GAP43: variants seen among roughly 807,000 people sequenced by gnomAD.
The protein encoded by GAP43 is growth associated protein 43, also known as neuromodulin.
GAP43 carries 6 observed loss-of-function variants against 18.6 expected under a neutral mutation model. The observed-to-expected ratio is 0.32, with a 90% CI of 0.18 to 0.64. The LOEUF (loss-of-function observed/expected upper bound fraction) is 0.64. Ranked by LOEUF, GAP43 falls within the 30% of genes least tolerant of loss-of-function variation. GAP43 has a pLI of 0.78. For missense variants in GAP43, 292 were observed against 295.5 expected (o/e 0.99, Z 0.09); for synonymous variants, 115 against 111.4 (o/e 1.03, Z -0.20).
intron 2 of GAP43, among the ~76,000 whole-genome samples, chr3:115,682,908 A>G (rs1708974307): frequency 6.6e-6 from 1 of 152,144 alleles, no homozygotes; most frequent in Non-Finnish European, 1.5e-5. Flanking sequence ...CACATGACTC[A>G]TATTGTTGAG....
intron 1 of GAP43, chr3:115,661,248 A>G (rs76341867): frequency 0.053 from 8,100 of 152,328 alleles, 272 homozygotes; most frequent in African/African-American, 0.097. Context: ...ACTGGAACCC[A>G]GCAAGTTTTC....
At chr3:115,666,208 T>C (rs898194912) in intron 1 of GAP43, among the ~76,000 whole-genome samples, 1 of 152,088 alleles carries the variant, frequency 6.6e-6, no homozygotes, top group Non-Finnish European at 1.5e-5. Context: ...GGGACTGTGG[T>C]TTAACTTTGA....
intron 2 of GAP43, among the ~76,000 whole-genome samples, chr3:115,698,212 A>AATATAT (rs1709240640): frequency 1.2e-4 from 2 of 16,588 alleles, no homozygotes; most frequent in African/African-American, 3.4e-4. Context: ...ATATTATATA[A>AATATAT]AATATATAAT....
chr3:115,710,030 A>G (rs1559807453), intron 2 of GAP43, among the ~76,000 whole-genome samples: 2 of 152,140 alleles, frequency 1.3e-5, no homozygotes, highest in Non-Finnish European at 2.9e-5. Context: ...TCCAACAGAT[A>G]GTTTCTCTCA....
chr3:115,715,126 G>T (rs1709488170), intron 2 of GAP43, among the ~76,000 whole-genome samples: 1 of 152,076 alleles, frequency 6.6e-6, no homozygotes, highest in Non-Finnish European at 1.5e-5. Context: ...TACTCCTAAT[G>T]CCGTCACCTT....
intron 2 of GAP43, among the ~76,000 whole-genome samples, chr3:115,695,662 T>C (rs1001926974): frequency 1.3e-5 from 2 of 152,130 alleles, no homozygotes; most frequent in Non-Finnish European, 2.9e-5. Flanking sequence ...ACCAGAGTTG[T>C]CTATACTCTC....
intron 2 of GAP43, among the ~76,000 whole-genome samples, chr3:115,714,230 C>G (rs938086002): frequency 8.5e-5 from 13 of 152,160 alleles, no homozygotes; most frequent in Admixed American, 7.9e-4. Flanking sequence ...GATCCTTGAG[C>G]TATCATGCAT....
At chr3:115,625,206 C>CATAA (rs112440898) in intron 1 of GAP43, among the ~76,000 whole-genome samples, 29,307 of 143,302 alleles carry the variant, frequency 0.2, 3,082 homozygotes, top group East Asian at 0.3. Context: ...AGAGATTTGG[C>CATAA]ATAAATAAAT....
chr3:115,679,799 G>A (rs1160949921), intron 2 of GAP43, among the ~76,000 whole-genome samples: 1 of 152,202 alleles, frequency 6.6e-6, no homozygotes, highest in Non-Finnish European at 1.5e-5. Flanking sequence ...CTATCAATCA[G>A]TGATATTGAT....
At chr3:115,708,070 GGCAT>G (rs1021917242) in intron 2 of GAP43, among the ~76,000 whole-genome samples, 1 of 151,858 alleles carries the variant, frequency 6.6e-6, no homozygotes, top group African/African-American at 2.4e-5. Context: ...ATACTTTCCA[GGCAT>G]GTTTCTAGGT....
intron 1 of GAP43, among the ~76,000 whole-genome samples, chr3:115,661,549 C>T (rs978472021): frequency 1.3e-5 from 2 of 152,102 alleles, no homozygotes; most frequent in East Asian, 1.9e-4. Context: ...AGTGCAGTGG[C>T]GTGATCTCTG....
intron 1 of GAP43, chr3:115,663,680 T>G (rs575777697): frequency 3.2e-5 from 48 of 1,477,180 alleles, no homozygotes; most frequent in Non-Finnish European, 4.3e-5. Context: ...ACTTTTCTAT[T>G]GTAAAGAGAT....
intron 1 of GAP43, among the ~76,000 whole-genome samples, chr3:115,666,930 T>C (rs1708741013): frequency 6.6e-6 from 1 of 152,084 alleles, no homozygotes; most frequent in Non-Finnish European, 1.5e-5. Context: ...AAATACTAAA[T>C]ATATATACTG....
chr3:115,705,841 T>A (rs1177555478), intron 2 of GAP43, among the ~76,000 whole-genome samples: 1 of 152,224 alleles, frequency 6.6e-6, no homozygotes, highest in East Asian at 1.9e-4. Context: ...TGAAAATTAT[T>A]AACTTCCTCC....
intron 1 of GAP43, among the ~76,000 whole-genome samples, chr3:115,672,365 A>G (rs1708823104): frequency 6.6e-6 from 1 of 152,156 alleles, no homozygotes; most frequent in Non-Finnish European, 1.5e-5. Context: ...AAAGGGTCAA[A>G]GCGTTCTCAG....
At chr3:115,690,787 C>G (rs189059251) in intron 2 of GAP43, among the ~76,000 whole-genome samples, 50 of 141,126 alleles carry the variant, frequency 3.5e-4, no homozygotes, top group African/African-American at 5.4e-4. Flanking sequence ...ACGGAGTCTC[C>G]CTCTGTCGCC....
chr3:115,697,236 T>G (rs191579925), intron 2 of GAP43, among the ~76,000 whole-genome samples: 1 of 152,188 alleles, frequency 6.6e-6, no homozygotes, highest in Admixed American at 6.5e-5. Context: ...GGGTATTTTT[T>G]GTTTTATTAT....
chr3:115,670,014 A>T (rs1473300710), intron 1 of GAP43, among the ~76,000 whole-genome samples: 23 of 89,592 alleles, frequency 2.6e-4, no homozygotes, highest in Admixed American at 6.6e-4. Flanking sequence ...TTTTTATTAT[A>T]CTCTAAGTTT....
At chr3:115,671,450 G>A (rs182635742) in intron 1 of GAP43, among the ~76,000 whole-genome samples, 201 of 152,216 alleles carry the variant, frequency 1.3e-3, no homozygotes, top group African/African-American at 4.4e-3. Flanking sequence ...AGATTTTAAT[G>A]TTTGTTTAAA....
Sources: gnomAD v4.1 joint callset for allele counts (sites outside exome capture counted in the v4.1 genomes callset) on GRCh38, gnomAD v4.1.1 for gene constraint, MANE v1.5 for transcripts, NCBI Gene and HGNC (gene_info 2026-07-23, HGNC 2026-07-21) for gene names.